Variants in SLC39A8 observed in about 807,000 individuals in gnomAD.
SLC39A8 encodes solute carrier family 39 member 8.
In SLC39A8, 15 loss-of-function variants were observed where a neutral mutation model predicts 40.4. That is an observed-to-expected ratio of 0.37 (90% CI 0.25 to 0.57). SLC39A8 has a LOEUF of 0.57. SLC39A8 is among the 20% of genes least tolerant of loss of function. SLC39A8 has a pLI of 0.75. For synonymous variants in SLC39A8, 223 were observed against 221.6 expected (o/e 1.01, Z -0.06); for missense variants, 472 against 558.8 (o/e 0.84, Z 1.57).
At chr4:102,314,077 C>G (rs762900068) in intron 3 of SLC39A8, among the ~76,000 whole-genome samples, 45 of 152,082 alleles carry the variant, frequency 3.0e-4, no homozygotes, top group Non-Finnish European at 5.7e-4. Flanking sequence ...CCTTCCTCTA[C>G]AATAAAGGGC....
intron 8 of SLC39A8, 129 bp from the exon 9 acceptor site, chr4:102,263,322 A>G: frequency 1.4e-6 from 1 of 716,890 alleles, no homozygotes; most frequent in Non-Finnish European, 2.4e-6. Flanking sequence ...CAAACATCTC[A>G]ATAAAGCAAG....
chr4:102,298,449 C>T (rs941630029), intron 6 of SLC39A8, among the ~76,000 whole-genome samples: 1 of 152,020 alleles, frequency 6.6e-6, no homozygotes, highest in African/African-American at 2.4e-5. Context: ...ACCAGTCAAT[C>T]AAGATCAGTG....
chr4:102,293,766 CA>C (rs1733560239), intron 6 of SLC39A8, among the ~76,000 whole-genome samples: 1 of 151,816 alleles, frequency 6.6e-6, no homozygotes, highest in Admixed American at 6.6e-5. Context: ...AATGCAATGT[CA>C]ATGAAAATCT....
intron 2 of SLC39A8, among the ~76,000 whole-genome samples, chr4:102,330,884 A>G (rs901580612): frequency 6.6e-6 from 1 of 152,236 alleles, no homozygotes; most frequent in Non-Finnish European, 1.5e-5. Flanking sequence ...GCAAATCAAT[A>G]AACGTAATCC....
At chr4:102,277,710 G>A (rs914166399) in intron 6 of SLC39A8, among the ~76,000 whole-genome samples, 2 of 152,110 alleles carry the variant, frequency 1.3e-5, no homozygotes, top group African/African-American at 4.8e-5. Flanking sequence ...AAAGTTGGAG[G>A]CATCACGCTA....
intron 6 of SLC39A8, among the ~76,000 whole-genome samples, chr4:102,298,667 C>T (rs538363006): frequency 1.3e-5 from 2 of 152,112 alleles, no homozygotes; most frequent in East Asian, 1.9e-4. Flanking sequence ...CCTCTTGAAG[C>T]TATGTCCTTA....
In SLC39A8 at chr4:102,344,427, G is replaced by T. The variant is rs538258230; in HGVS notation, c.219+17C>A. 9.4e-5 allele frequency: 141 copies of T among 1,502,006 alleles called. 1 individual carries two copies. In the East Asian group the frequency reaches 3.4e-3, roughly 36 times the overall value. 93.0% of individuals were successfully genotyped at this position (1,502,006 alleles called of 1,614,324 possible). ...ACACCCACAGTACGGAGGGCTGCCC[G>T]GACCTGGCGGCCTTACCTGGTTGAA... is the stretch of plus-strand genomic sequence containing the variant. On this transcript the variant is annotated intron_variant, in intron 2 of 8. Transcript: ENST00000356736.
chr4:102,264,451 T>C (rs1392658707), intron 8 of SLC39A8, among the ~76,000 whole-genome samples: 2 of 152,242 alleles, frequency 1.3e-5, no homozygotes, highest in Non-Finnish European at 2.9e-5. Context: ...ATCCAGGCTG[T>C]GTTGTTCTAT....
chr4:102,286,950 A>G (rs1733209939), intron 6 of SLC39A8, among the ~76,000 whole-genome samples: 3 of 152,164 alleles, frequency 2.0e-5, no homozygotes, highest in Admixed American at 2.0e-4. Flanking sequence ...CTTGGGATGC[A>G]AGACCCCAGA....
rs958863693 is a variant in SLC39A8, at chr4:102,344,642, C to T, written c.21G>A (p.Val7=). 2 of 1,537,040 alleles carry T rather than the reference C, an allele frequency of 1.3e-6. No homozygotes were observed. The highest frequency in any genetic ancestry group is 1.8e-6 in the Non-Finnish European group (2 of 1,142,646). ...CGGCCGCCAGCAACAGGAGCCCGGC[C>T]ACCGCGCGACCCGGGGCCATCCTGG... MAPGRA[V]AGLLLLAAAG... Residue 7 remains valine (V), a synonymous_variant, in exon 2 of 9, where the codon GTG becomes GTA. Coordinates refer to ENST00000356736, the MANE Select transcript of SLC39A8 (RefSeq NM_001135146.2).
At chr4:102,270,949 T>C (rs1373506970) in intron 6 of SLC39A8, among the ~76,000 whole-genome samples, 1 of 151,684 alleles carries the variant, frequency 6.6e-6, no homozygotes, top group Non-Finnish European at 1.5e-5. Flanking sequence ...GCAGAACAGT[T>C]TAAGGAAGGA....
At chr4:102,266,485 T>A (rs1732102699) in intron 8 of SLC39A8, among the ~76,000 whole-genome samples, 1 of 152,198 alleles carries the variant, frequency 6.6e-6, no homozygotes, top group Non-Finnish European at 1.5e-5. Context: ...ATGTAATACA[T>A]CCAGTTCCAA....
chr4:102,331,785 C>T (rs1171826164), intron 2 of SLC39A8, among the ~76,000 whole-genome samples: 2 of 152,148 alleles, frequency 1.3e-5, no homozygotes, highest in African/African-American at 4.8e-5. Flanking sequence ...GCTACAGTAA[C>T]AAAAACAGCA....
chr4:102,345,032 A>C, intron 1 of SLC39A8, 117 bp from the exon 2 acceptor site: 13 of 496,000 alleles, frequency 2.6e-5, no homozygotes, highest in Admixed American at 5.8e-5. Flanking sequence ...ATGGGGCCAG[A>C]CGCCCCGGAT....
chr4:102,273,690 A>G (rs774490873), intron 6 of SLC39A8, among the ~76,000 whole-genome samples: 1 of 152,180 alleles, frequency 6.6e-6, no homozygotes, highest in Non-Finnish European at 1.5e-5. Flanking sequence ...CACTTCATAC[A>G]GAAGGGCTCC....
At chr4:102,340,356 T>C (rs1201183334) in intron 2 of SLC39A8, among the ~76,000 whole-genome samples, 1 of 152,146 alleles carries the variant, frequency 6.6e-6, no homozygotes, top group Non-Finnish European at 1.5e-5. Flanking sequence ...ATATATAATA[T>C]GTTATAATTG....
intron 2 of SLC39A8, among the ~76,000 whole-genome samples, chr4:102,318,881 G>A (rs1734773027): frequency 6.6e-6 from 1 of 152,160 alleles, no homozygotes; most frequent in African/African-American, 2.4e-5. Flanking sequence ...TGACACTGCT[G>A]TTCTCAAGCA....
At chr4:102,333,130 G>C (rs572776292) in intron 2 of SLC39A8, among the ~76,000 whole-genome samples, 11 of 152,164 alleles carry the variant, frequency 7.2e-5, no homozygotes, top group Admixed American at 2.0e-4. Context: ...AAACCTGCAT[G>C]TTCTGCACAT....
intron 2 of SLC39A8, among the ~76,000 whole-genome samples, chr4:102,319,533 G>C (rs1184742189): frequency 6.6e-6 from 1 of 152,090 alleles, no homozygotes; most frequent in Non-Finnish European, 1.5e-5. Context: ...CCCTGGTCCT[G>C]CCTTCAGCAA....
Sources: allele counts gnomAD v4.1 joint callset (sites outside exome capture counted in the v4.1 genomes callset), GRCh38; gene constraint gnomAD v4.1.1; transcripts MANE v1.5; gene names NCBI Gene and HGNC (gene_info 2026-07-23, HGNC 2026-07-21).